The following MKLN1 variants were observed in gnomAD, a reference collection of about 807,000 sequenced individuals.
The protein encoded by MKLN1 is muskelin 1.
A neutral mutation model predicts 99.0 loss-of-function variants in MKLN1; 18 were observed. The ratio of observed to expected loss-of-function variants is 0.18; its 90% CI spans 0.13 to 0.27. MKLN1 has a LOEUF of 0.27. Ranked by LOEUF, MKLN1 falls within the 10% of genes least tolerant of loss-of-function variation. MKLN1 has a pLI of 1.00. For missense variants in MKLN1, 621 were observed against 875.9 expected (o/e 0.71, Z 3.67); for synonymous variants, 288 against 293.2 (o/e 0.98, Z 0.18).
chr7:131,124,309 C>G (rs1795420987), intron 1 of MKLN1, among the ~76,000 whole-genome samples: 1 of 152,186 alleles, frequency 6.6e-6, no homozygotes, highest in Non-Finnish European at 1.5e-5. Context: ...GTCACAGACA[C>G]ATATAGAAAC....
chr7:131,244,050 A>T (rs1797447741), intron 3 of MKLN1, among the ~76,000 whole-genome samples: 1 of 152,078 alleles, frequency 6.6e-6, no homozygotes, highest in Admixed American at 6.6e-5. Flanking sequence ...TTGGATCACA[A>T]GATTCTCCAA....
intron 3 of MKLN1, among the ~76,000 whole-genome samples, chr7:131,295,373 G>A (rs753943672): frequency 6.6e-6 from 1 of 152,062 alleles, no homozygotes; most frequent in Non-Finnish European, 1.5e-5. Flanking sequence ...TAAACACATT[G>A]TGTAAAACAT....
intron 8 of MKLN1, among the ~76,000 whole-genome samples, chr7:131,416,167 C>T (rs1036780606): frequency 2.0e-5 from 3 of 152,122 alleles, no homozygotes; most frequent in African/African-American, 4.8e-5. Context: ...TGAAAGGAGC[C>T]TTTACCTTTT....
intron 2 of MKLN1, among the ~76,000 whole-genome samples, chr7:131,180,930 A>G (rs1796369375): frequency 2.0e-5 from 3 of 152,062 alleles, no homozygotes; most frequent in South Asian, 2.1e-4. Flanking sequence ...TGTACAAGAA[A>G]CTCTCCATCT....
intron 1 of MKLN1, among the ~76,000 whole-genome samples, chr7:131,341,776 C>T (rs904088226): frequency 1.3e-5 from 2 of 152,232 alleles, no homozygotes; most frequent in African/African-American, 4.8e-5. Flanking sequence ...GAGCACCCAA[C>T]CTAGATCCCT....
chr7:131,320,102 A>AAAGAGCC, intron 3 of MKLN1, among the ~76,000 whole-genome samples: 1 of 152,358 alleles, frequency 6.6e-6, no homozygotes, highest in East Asian at 1.9e-4. Flanking sequence ...TGGAACCAAG[A>AAAGAGCC]AAGAGCCTGC....
At chr7:131,280,651 T>G (rs1253538114) in intron 3 of MKLN1, among the ~76,000 whole-genome samples, 4 of 50,734 alleles carry the variant, frequency 7.9e-5, no homozygotes, top group Non-Finnish European at 3.3e-4. Flanking sequence ...TTCTTTTAAT[T>G]TTTTTTTTCT....
intron 3 of MKLN1, among the ~76,000 whole-genome samples, chr7:131,264,931 C>CG (rs1563272032): frequency 6.6e-6 from 1 of 152,078 alleles, no homozygotes; most frequent in Admixed American, 6.6e-5. Flanking sequence ...CTCCGTCTCC[C>CG]GGGTTCAAGC....
intron 3 of MKLN1, among the ~76,000 whole-genome samples, chr7:131,297,689 G>A (rs1283442020): frequency 6.6e-6 from 1 of 152,182 alleles, no homozygotes; most frequent in Non-Finnish European, 1.5e-5. Flanking sequence ...ATGTCAATCA[G>A]TGCTCCTTAT....
chr7:131,377,158 CAT>C (rs1262050016), intron 2 of MKLN1, among the ~76,000 whole-genome samples: 1 of 152,150 alleles, frequency 6.6e-6, no homozygotes, highest in African/African-American at 2.4e-5. Context: ...TCCTGGTACA[CAT>C]GTGTAAGAGT....
chr7:131,446,408 A>C (rs1222925261), intron 12 of MKLN1, among the ~76,000 whole-genome samples: 6 of 152,214 alleles, frequency 3.9e-5, no homozygotes, highest in Non-Finnish European at 7.3e-5. Flanking sequence ...ATAGTGCTCC[A>C]TTCATTTTCA....
intron 1 of MKLN1, among the ~76,000 whole-genome samples, chr7:131,343,260 C>A (rs1178024608): frequency 6.6e-6 from 1 of 152,154 alleles, no homozygotes; most frequent in African/African-American, 2.4e-5. Context: ...TAGTGTAGCA[C>A]GTCATAACCA....
At chr7:131,283,400 C>A (rs1798087644) in intron 3 of MKLN1, among the ~76,000 whole-genome samples, 1 of 99,088 alleles carries the variant, frequency 1.0e-5, no homozygotes, top group Non-Finnish European at 2.0e-5. Flanking sequence ...TTCCTTCCTT[C>A]CTCTCTCTCT....
chr7:131,444,760 AAGAAGTAGTAGT>A (rs1256605656), intron 11 of MKLN1, among the ~76,000 whole-genome samples: 1 of 56,354 alleles, frequency 1.8e-5, no homozygotes. Context: ...GTAGTAGTAG[AAGAAGTAGTAGT>A]AGTAGTAGTA....
intron 1 of MKLN1, among the ~76,000 whole-genome samples, chr7:131,119,779 T>C (rs1269898270): frequency 6.6e-6 from 1 of 152,192 alleles, no homozygotes; most frequent in Non-Finnish European, 1.5e-5. Context: ...CTTTTAGCCA[T>C]GGCTGGAGCT....
At chr7:131,356,798 G>A (rs1799896678) in intron 1 of MKLN1, among the ~76,000 whole-genome samples, 1 of 152,186 alleles carries the variant, frequency 6.6e-6, no homozygotes, top group African/African-American at 2.4e-5. Context: ...GTTGCCGGTG[G>A]CAGATACCCA....
In MKLN1 at chr7:131,471,103, T is replaced by G. The variant is rs1796808223; in HGVS notation, c.2031+159T>G. ...GTCACAGAGCAGGTGAAATAAAAAT[T>G]GAATAGGCATGTTTTCGTGTGATAA... is the stretch of plus-strand genomic sequence containing the variant. On this transcript the variant is annotated intron_variant, in intron 16 of 17. Coordinates refer to ENST00000352689, the MANE Select transcript of MKLN1 (RefSeq NM_013255.5). 2.0e-5 allele frequency: 11 copies of G among 551,640 alleles called. No individual in the cohort carries two copies. In the South Asian group the frequency reaches 2.6e-4, roughly 13 times the overall value. The allele number at this position is 551,640 out of a possible 1,614,324, so 34.2% of individuals were successfully genotyped here. A position where few individuals can be genotyped will look rare whatever the true frequency, so the allele number is the denominator to read the frequency against.
At chr7:131,128,590 T>C (rs1795499872) in intron 1 of MKLN1, among the ~76,000 whole-genome samples, 1 of 152,210 alleles carries the variant, frequency 6.6e-6, no homozygotes, top group Non-Finnish European at 1.5e-5. Context: ...GATAAGGCAG[T>C]AGCACAAACA....
chr7:131,281,031 C>A (rs529516674), intron 3 of MKLN1, among the ~76,000 whole-genome samples: 3 of 152,190 alleles, frequency 2.0e-5, no homozygotes, highest in African/African-American at 7.2e-5. Flanking sequence ...ACTTGAAGAA[C>A]AAAAGATTTT....
Sources: allele counts gnomAD v4.1 joint callset (sites outside exome capture counted in the v4.1 genomes callset), GRCh38; gene constraint gnomAD v4.1.1; transcripts MANE v1.5; gene names NCBI Gene and HGNC (gene_info 2026-07-23, HGNC 2026-07-21).